The following HNF1A variants were observed in gnomAD, a reference collection of about 807,000 sequenced individuals.
The protein encoded by HNF1A is hepatocyte nuclear factor 1-alpha.
A neutral mutation model predicts 62.2 loss-of-function variants in HNF1A; 21 were observed. The ratio of observed to expected loss-of-function variants is 0.34; its 90% CI spans 0.24 to 0.49. The LOEUF is 0.49. Among genes scored for constraint, HNF1A ranks in the 20% least tolerant of loss-of-function variants. The probability of loss-of-function intolerance (pLI) is 0.99; values close to 1 mark genes in which losing one functional copy is unlikely to be tolerated. For synonymous variants in HNF1A, 374 were observed against 366.8 expected (o/e 1.02, Z -0.22); for missense variants, 687 against 832.3 (o/e 0.83, Z 2.15).
chr12:120,988,358 A>G (rs1182772628), intron 1 of HNF1A, among the ~76,000 whole-genome samples: 1 of 148,284 alleles, frequency 6.7e-6, no homozygotes, highest in Non-Finnish European at 1.5e-5. Context: ...CTACCCTACC[A>G]TCCATCCACC....
chr12:120,982,467 G>GC (rs113046785), intron 1 of HNF1A, among the ~76,000 whole-genome samples: 1 of 138,436 alleles, frequency 7.2e-6, no homozygotes, highest in Non-Finnish European at 1.5e-5. Context: ...AGGAGGGGGG[G>GC]GGGACAGAGG....
At chr12:120,983,018 G>T (rs1222691850) in intron 1 of HNF1A, among the ~76,000 whole-genome samples, 1 of 152,180 alleles carries the variant, frequency 6.6e-6, no homozygotes, top group Non-Finnish European at 1.5e-5. Context: ...GTTAAGCAAA[G>T]AATCAAGGCC....
chr12:120,994,070 G>A (rs1037678998), intron 3 of HNF1A, 94 bp from the exon 4 acceptor site: 93 of 1,534,518 alleles, frequency 6.1e-5, no homozygotes, highest in Non-Finnish European at 7.2e-5. Flanking sequence ...CAAACCCTCC[G>A]GCAGAGCTCA....
rs2135845819 is a variant in HNF1A, at chr12:120,996,551, C to G, written c.1118C>G (p.Ala373Gly). 3 of 1,613,748 alleles carry G rather than the reference C, an allele frequency of 1.9e-6. No homozygotes were observed. The highest frequency in any genetic ancestry group is 3.3e-4 in the Middle Eastern group (2 of 6,060). ...LSTEAKLVSA[A>G]GGPLPPVSTL... ...GGCTTCCCCTCGTAGGTCTCAGCAG[C>G]TGGGGGCCCCCTCCCCCCTGTCAGC... The change falls in exon 6 of 10, where the codon GCT (alanine) becomes GGT (glycine). Residue 373 changes from alanine (A) to glycine (G), a missense_variant. Ala to Gly is a moderately conservative substitution (Grantham distance 60, BLOSUM62 0). Transcript: ENST00000257555. The surrounding 1 kb of genome is among the most constrained non-coding windows in gnomAD (Gnocchi z 4.5).
chr12:120,996,637 A>C lies in HNF1A; in HGVS notation c.1204A>C (p.Asn402His). The C allele has an allele frequency of 6.2e-7, 1 of 1,614,038 alleles. No individual in the cohort carries two copies. The highest frequency in any genetic ancestry group is 8.5e-7 in the Non-Finnish European group (1 of 1,179,998). Residue 402 changes from asparagine (N) to histidine (H), a missense_variant, in exon 6 of 10, where the codon AAC becomes CAC. Asn to His is a moderately conservative substitution (Grantham distance 68). Coordinates refer to ENST00000257555, the MANE Select transcript of HNF1A (RefSeq NM_000545.8). The surrounding 1 kb of genome is among the most constrained non-coding windows in gnomAD (Gnocchi z 4.5). Reference sequence around the variant, plus strand: ...CCCAGGCCTCAACCAGCAGCCCCAGAACCTCATCATGGCCTCACTTCCTGG... The same window carrying C: ...CCCAGGCCTCAACCAGCAGCCCCAGCACCTCATCATGGCCTCACTTCCTGG... ...TSPGLNQQPQNLIMASLPGVM... is the reference protein window; with the variant it reads ...TSPGLNQQPQHLIMASLPGVM...
chr12:120,993,558 C>T lies in HNF1A; in HGVS notation c.565C>T (p.Pro189Ser), dbSNP rs1029382197. The change falls in exon 3 of 10, where the codon CCC becomes TCC. Residue 189 changes from proline to serine, a missense_variant. By Grantham distance (74) the Pro-to-Ser change is moderately conservative. This residue lies in a region of HNF1A where 47 missense variants were observed against 52.5 expected (regional missense o/e 0.90). Coordinates refer to ENST00000257555, the MANE Select transcript of HNF1A (RefSeq NM_000545.8). ...HAGQGGLIEE[P>S]TGDELPTKKG... ...AGGGCAGGGAGGGCTGATTGAAGAG[C>T]CCACAGGTGATGAGCTACCAACCAA... 6.2e-7 allele frequency: 1 copy of T among 1,614,114 alleles called. No homozygotes were observed. The highest frequency in any genetic ancestry group is 1.3e-5 in the African/African-American group (1 of 75,016).
chr12:120,978,918 C>T lies in HNF1A; in HGVS notation c.150C>T (p.Cys50=), dbSNP rs193922583. Residue 50 remains cysteine (C), a synonymous_variant, in exon 1 of 10, where the codon TGC becomes TGT. Transcript: ENST00000257555. ...GEGPLDKGES[C]GGGRGELAEL... ...GCCCCCTGGACAAGGGGGAGTCCTG[C>T]GGCGGCGGTCGAGGGGAGCTGGCTG... 3.4e-5 allele frequency: 54 copies of T among 1,611,084 alleles called. No homozygotes were observed. The highest frequency in any genetic ancestry group is 2.2e-4 in the East Asian group (10 of 44,814).
chr12:120,993,755 A>T, intron 3 of HNF1A, 49 bp downstream of exon 3: 7 of 1,586,320 alleles, frequency 4.4e-6, no homozygotes, highest in Non-Finnish European at 6.0e-6. Flanking sequence ...GGCTGCGGCA[A>T]GGCCAGGGAA....
intron 2 of HNF1A, among the ~76,000 whole-genome samples, chr12:120,990,683 G>GA (rs1336751144): frequency 2.1e-5 from 3 of 146,254 alleles, no homozygotes; most frequent in African/African-American, 7.8e-5. Context: ...GGAAAGGGAG[G>GA]AAGGAAGGAA....
Position 121,002,056 on chromosome 12 carries a change from C to T in HNF1A, c.*864C>T, listed in dbSNP as rs750496742. 1.7e-4 allele frequency: 90 copies of T among 536,744 alleles called. No homozygotes were observed. The highest frequency in any genetic ancestry group is 2.5e-4 in the Non-Finnish European group (69 of 276,720). 33.2% of individuals were successfully genotyped at this position (536,744 alleles called of 1,614,324 possible). On this transcript the variant is annotated 3_prime_UTR_variant, in exon 10 of 10. Coordinates refer to ENST00000257555, the MANE Select transcript of HNF1A (RefSeq NM_000545.8). ...TCCTGGTGGGGCAGCTCCTCTGTCT[C>T]GAGCGCCCTGCAGACCCTGCCCTTG...
At chr12:120,991,784 A>G (rs1328221063) in intron 2 of HNF1A, among the ~76,000 whole-genome samples, 1 of 152,242 alleles carries the variant, frequency 6.6e-6, no homozygotes, top group Admixed American at 6.5e-5. Flanking sequence ...TTTAATTTGT[A>G]TGAGAAGAAA....
At position 120,994,344 on chromosome 12, in the gene HNF1A, G is replaced by A. The variant is rs951696015; in HGVS notation, c.894G>A (p.Ala298=). The change falls in exon 4 of 10, where the codon GCG becomes GCA. Residue 298 remains alanine, a synonymous_variant. Transcript: ENST00000257555. The part of the protein sequence containing the change: ...GPPPGPGPGP[A]LPAHSSPGLP... ...CCCCAGGGCCAGGCCCGGGACCTGC[G>A]CTGCCCGCTCACAGCTCCCCTGGCC... 6.2e-6 allele frequency: 10 copies of A among 1,603,136 alleles called. No individual in the cohort carries two copies. Among genetic ancestry groups the A allele is most frequent in the African/African-American group, 1.3e-5 (1 of 74,832 alleles).
intron 2 of HNF1A, among the ~76,000 whole-genome samples, chr12:120,990,670 G>GGAGGAAAGGGAGGAAAGA (rs1565884562): frequency 2.5e-5 from 3 of 117,724 alleles, no homozygotes; most frequent in African/African-American, 3.8e-5. Flanking sequence ...GGGAGGAAAG[G>GGAGGAAAGGGAGGAAAGA]TAGGAAAGGG....
Position 120,978,724 on chromosome 12 carries a change from C to G in HNF1A, c.-45C>G, listed in dbSNP as rs749624286. 3 of 1,583,212 alleles carry G rather than the reference C, an allele frequency of 1.9e-6. No individual in the cohort carries two copies. The highest frequency in any genetic ancestry group is 4.5e-5 in the East Asian group (2 of 44,754). On this transcript the variant is annotated 5_prime_UTR_variant, in exon 1 of 10. Coordinates refer to ENST00000257555, the MANE Select transcript of HNF1A (RefSeq NM_000545.8). ...GCAACCCACGCGGTGGGGGAGGCGG[C>G]TAGCGTGGTGGACCCGGGCCGCGTG...
intron 1 of HNF1A, among the ~76,000 whole-genome samples, chr12:120,984,076 A>G (rs1876391698): frequency 6.6e-6 from 1 of 152,106 alleles, no homozygotes; most frequent in Non-Finnish European, 1.5e-5. Context: ...CTCCCAGAAA[A>G]GGGAAAGACA....
At position 120,988,905 on chromosome 12, in the gene HNF1A, G is replaced by A. The variant is rs778885902; in HGVS notation, c.399G>A (p.Val133=). Residue 133 remains valine, a synonymous_variant, in exon 2 of 10, where the codon GTG becomes GTA. Coordinates refer to ENST00000257555, the MANE Select transcript of HNF1A (RefSeq NM_000545.8). ...LQQHNIPQRE[V]VDTTGLNQSH... is the part of the protein sequence containing the mutation. The stretch of plus-strand genomic sequence containing the variant: ...AGCACAACATCCCACAGCGGGAGGT[G>A]GTCGATACCACTGGCCTCAACCAGT... 1.4e-5 allele frequency: 23 copies of A among 1,614,220 alleles called. No individual in the cohort carries two copies. The highest frequency in any genetic ancestry group is 1.9e-5 in the Non-Finnish European group (23 of 1,180,042).
Position 120,979,017 on chromosome 12 carries a change from A to C in HNF1A, c.249A>C (p.Pro83=). 1 of 1,610,448 alleles carries C rather than the reference A, an allele frequency of 6.2e-7. No homozygotes were observed. The highest frequency in any genetic ancestry group is 8.5e-7 in the Non-Finnish European group (1 of 1,178,534). The change falls in exon 1 of 10, where the codon CCA becomes CCC. Residue 83 remains proline, a synonymous_variant. Coordinates refer to ENST00000257555, the MANE Select transcript of HNF1A (RefSeq NM_000545.8). ...ACGACGATGGGGAAGACTTCACGCC[A>C]CCCATCCTCAAAGAGCTGGAGAACC... is the stretch of plus-strand genomic sequence containing the variant. The part of the protein sequence containing the change: ...ETDDDGEDFT[P]PILKELENLS...
intron 4 of HNF1A, among the ~76,000 whole-genome samples, chr12:120,995,275 CACTCCACTCACTCAACTCCATCT>C (rs1877044279): frequency 6.6e-6 from 1 of 151,716 alleles, no homozygotes; most frequent in African/African-American, 2.4e-5. Flanking sequence ...CCACTCCATC[CACTCCACTCACTCAACTCCATCT>C]ACTCCACTCC....
chr12:120,998,225 T>C (rs1877218110), intron 7 of HNF1A: 3 of 217,628 alleles, frequency 1.4e-5, no homozygotes, highest in Admixed American at 5.1e-5. Context: ...TGCAGTGAGC[T>C]GAGATTGTGC....
Sources: allele counts gnomAD v4.1 joint callset (sites outside exome capture counted in the v4.1 genomes callset), GRCh38; gene constraint gnomAD v4.1.1; regional missense constraint gnomAD v4.1.1; non-coding constraint Gnocchi (gnomAD v3.1); transcripts MANE v1.5; gene names NCBI Gene and HGNC (gene_info 2026-07-23, HGNC 2026-07-21).